The following DNAH11 variants were observed in gnomAD, a reference collection of about 807,000 sequenced individuals.
DNAH11 encodes the protein axonemal beta dynein heavy chain 11.
In DNAH11, 442 loss-of-function variants were observed where a neutral mutation model predicts 526.0. The observed-to-expected ratio is 0.84, with a 90% CI of 0.78 to 0.91. The LOEUF (loss-of-function observed/expected upper bound fraction) is 0.91, where lower values mean the gene tolerates loss of function less well. DNAH11 is among the 40% of genes least tolerant of loss of function. The pLI is 0.00. For missense variants in DNAH11, 6,989 were observed against 5,448.7 expected, an observed-to-expected ratio of 1.28 and a Z score of -8.90; for synonymous variants, 2,461 against 1,935.9, an observed-to-expected ratio of 1.27 and a Z score of -7.12.
chr7:21,658,701 G>T lies in DNAH11; in HGVS notation c.5095-97G>T, dbSNP rs67673671. The T allele has an allele frequency of 0.036, 34,340 of 954,698 alleles. 2,066 individuals carry two copies. Among genetic ancestry groups the T allele is most frequent in the Admixed American group, 0.25 (8,308 of 33,698 alleles). The allele number at this position is 954,698 out of a possible 1,614,324, so 59.1% of individuals were successfully genotyped here. On this transcript the variant is annotated intron_variant, in intron 29 of 81. Transcript: ENST00000409508. The stretch of plus-strand genomic sequence containing the variant: ...CCTGGGTTTAAAATGAATCCACCTG[G>T]GGCATTACCCTCTGCGTGGCCTTAG...
chr7:21,893,832 G>A (rs145220796), intron 77 of DNAH11, among the ~76,000 whole-genome samples: 214 of 152,312 alleles, frequency 1.4e-3, no homozygotes, highest in African/African-American at 4.9e-3. Flanking sequence ...CAGCATCATA[G>A]TTCAGCAGAA....
chr7:21,652,625 C>G (rs1034864558), intron 28 of DNAH11, among the ~76,000 whole-genome samples: 2 of 152,056 alleles, frequency 1.3e-5, no homozygotes, highest in Non-Finnish European at 2.9e-5. Flanking sequence ...GGTCATTGTC[C>G]CATCGTAGGT....
intron 54 of DNAH11, among the ~76,000 whole-genome samples, chr7:21,757,141 TAG>T (rs952222441): frequency 2.0e-5 from 3 of 152,224 alleles, no homozygotes; most frequent in Admixed American, 1.3e-4. Flanking sequence ...TTTTGTTCTT[TAG>T]AGTTTGCTGC....
At chr7:21,838,944 A>G (rs1333713941) in intron 65 of DNAH11, among the ~76,000 whole-genome samples, 1 of 152,058 alleles carries the variant, frequency 6.6e-6, no homozygotes, top group African/African-American at 2.4e-5. Flanking sequence ...GCACAATTTT[A>G]TGTTCCCATT....
At chr7:21,713,798 C>T (rs537594346) in intron 42 of DNAH11, among the ~76,000 whole-genome samples, 10 of 152,084 alleles carry the variant, frequency 6.6e-5, no homozygotes, top group African/African-American at 9.7e-5. Flanking sequence ...CAGGCTTTTG[C>T]GTTGACAGAG....
chr7:21,748,921 A>G (rs1282556258), intron 52 of DNAH11, among the ~76,000 whole-genome samples, 179 bp downstream of exon 52: 1 of 152,224 alleles, frequency 6.6e-6, no homozygotes, highest in Non-Finnish European at 1.5e-5. Flanking sequence ...TTATGGTCAA[A>G]TTAGTAATAA....
intron 23 of DNAH11, 111 bp from the exon 24 acceptor site, chr7:21,618,989 C>T (rs1235326774): frequency 7.3e-7 from 1 of 1,366,564 alleles, no homozygotes; most frequent in African/African-American, 1.4e-5. Flanking sequence ...GAGATGTACT[C>T]AGCACCTGAC....
At chr7:21,646,846 C>T (rs546140463) in intron 28 of DNAH11, among the ~76,000 whole-genome samples, 28 of 152,086 alleles carry the variant, frequency 1.8e-4, no homozygotes, top group African/African-American at 5.8e-4. Flanking sequence ...TAATTTATGC[C>T]AGGAAAAAAA....
chr7:21,728,896 A>T (rs866696063), intron 45 of DNAH11, among the ~76,000 whole-genome samples: 10 of 152,240 alleles, frequency 6.6e-5, no homozygotes, highest in African/African-American at 2.4e-4. Context: ...CTTTGGCTCA[A>T]TGCCCTGTAC....
intron 65 of DNAH11, among the ~76,000 whole-genome samples, chr7:21,828,233 G>A (rs1394918349): frequency 6.6e-6 from 1 of 152,152 alleles, no homozygotes; most frequent in Non-Finnish European, 1.5e-5. Context: ...GCAGGCATGA[G>A]CCACCGCGCC....
At chr7:21,709,592 A>G (rs565560516) in intron 40 of DNAH11, among the ~76,000 whole-genome samples, 1 of 152,354 alleles carries the variant, frequency 6.6e-6, no homozygotes, top group African/African-American at 2.4e-5. Context: ...TTGAAATTTT[A>G]AAAATAGTAA....
In DNAH11 at chr7:21,720,726, C is replaced by A. The variant is rs1187736300; in HGVS notation, c.7136C>A (p.Thr2379Asn). The change falls in exon 44 of 82, where the codon ACT (threonine) becomes AAT (asparagine). Residue 2379 changes from threonine (T) to asparagine (N), a missense_variant and splice_region_variant. Coordinates refer to ENST00000409508, the MANE Select transcript of DNAH11 (RefSeq NM_001277115.2). ...ATTTGACTATTTCTTTTTCTTTAGA[C>A]TCTATGTGTTCTTTTGGAGTGCTTG... The part of the protein sequence containing the change: ...TSIPESSLVQ[T>N]LCVLLECLLT... 2 of 1,564,126 alleles carry A rather than the reference C, an allele frequency of 1.3e-6. No homozygotes were observed. Among genetic ancestry groups the A allele is most frequent in the East Asian group, 2.3e-5 (1 of 43,060 alleles).
intron 42 of DNAH11, among the ~76,000 whole-genome samples, chr7:21,715,797 ACT>A (rs1215737321): frequency 1.3e-5 from 2 of 151,440 alleles, no homozygotes; most frequent in African/African-American, 4.9e-5. Context: ...AGCCATTTTT[ACT>A]CTCTATCCTA....
rs116855944 is a variant in DNAH11, at chr7:21,699,271, C to G, written c.6180+1058C>G. 5.3e-3 allele frequency among the ~76,000 whole-genome samples: 807 copies of G among 152,158 alleles called. 3 individuals are homozygous for G. Among genetic ancestry groups the G allele is most frequent in the Non-Finnish European group, 7.9e-3 (540 of 67,974 alleles). ...AATTTGTGCTCTACAATTTCCTTGT[C>G]TCTAAAATGGGTCAGATTTACATAC... On this transcript the variant is annotated intron_variant, in intron 36 of 81. Coordinates refer to ENST00000409508, the MANE Select transcript of DNAH11 (RefSeq NM_001277115.2).
intron 76 of DNAH11, among the ~76,000 whole-genome samples, chr7:21,890,498 G>A (rs1026629703): frequency 3.9e-5 from 6 of 152,100 alleles, no homozygotes; most frequent in Non-Finnish European, 7.4e-5. Context: ...ATTTATTAAG[G>A]ACAGATTAAC....
intron 35 of DNAH11, 49 bp from the exon 36 acceptor site, chr7:21,698,026 C>T (rs761237145): frequency 1.9e-6 from 3 of 1,559,688 alleles, no homozygotes; most frequent in Non-Finnish European, 2.6e-6. Flanking sequence ...GCAATTTGTA[C>T]TTATCACCTT....
Position 21,698,149 on chromosome 7 carries a change from C to G in DNAH11, c.6116C>G (p.Ala2039Gly). 1 of 1,613,584 alleles carries G rather than the reference C, an allele frequency of 6.2e-7. No homozygotes were observed. The highest frequency in any genetic ancestry group is 1.3e-5 in the African/African-American group (1 of 75,014). Residue 2039 changes from alanine (A) to glycine (G), a missense_variant, in exon 36 of 82, where the codon GCG (alanine) becomes GGG (glycine). By Grantham distance (60) the Ala-to-Gly change is moderately conservative. Transcript: ENST00000409508. ...TTAGTTGCTGAAGGTTTTGTGGATG[C>G]GCGTGCATTAGCCCGAAAGTTCATT... ...ILLVAEGFVD[A>G]RALARKFITL...
Position 21,559,674 on chromosome 7 carries a change from A to G in DNAH11, c.764A>G (p.Gln255Arg). 6.2e-7 allele frequency: 1 copy of G among 1,612,034 alleles called. No individual in the cohort carries two copies. Among genetic ancestry groups the G allele is most frequent in the Middle Eastern group, 1.7e-4 (1 of 6,056 alleles). ...GTTATTGAATGGTCACATCAAATCC[A>G]AGAAATTATAGAAAGAGATTCAGTG... is the stretch of plus-strand genomic sequence containing the variant. Reference protein sequence around the residue: ...SVVIEWSHQIQEIIERDSVQR... With the variant: ...SVVIEWSHQIREIIERDSVQR... Residue 255 changes from glutamine (Q) to arginine (R), a missense_variant, in exon 4 of 82, where the codon CAA becomes CGA. By Grantham distance (43) the Gln-to-Arg change is conservative. Transcript: ENST00000409508.
chr7:21,629,647 T>G (rs778622508), intron 25 of DNAH11, among the ~76,000 whole-genome samples: 1 of 152,168 alleles, frequency 6.6e-6, no homozygotes, highest in African/African-American at 2.4e-5. Context: ...TTCTCTTGCC[T>G]AATTGGTTCC....
Sources: gnomAD v4.1 joint callset for allele counts (sites outside exome capture counted in the v4.1 genomes callset) on GRCh38, gnomAD v4.1.1 for gene constraint, MANE v1.5 for transcripts, NCBI Gene and HGNC (gene_info 2026-07-23, HGNC 2026-07-21) for gene names.